Variants in NDUFS1 observed in about 807,000 individuals in gnomAD.
NDUFS1 encodes NADH:ubiquinone oxidoreductase core subunit S1.
NDUFS1 carries 61 observed loss-of-function variants against 84.4 expected under a neutral mutation model. The ratio of observed to expected loss-of-function variants is 0.72; its 90% CI spans 0.59 to 0.89. The LOEUF is 0.89. NDUFS1 is among the 40% of genes least tolerant of loss of function. NDUFS1 has a pLI of 0.00. For missense variants in NDUFS1, 891 were observed against 890.0 expected (o/e 1.00, Z -0.01); for synonymous variants, 275 against 290.0 (o/e 0.95, Z 0.53).
Position 206,126,852 on chromosome 2 carries a change from A to G in NDUFS1, c.1885-8T>C. 6.2e-7 allele frequency: 1 copy of G among 1,614,010 alleles called. No homozygotes were observed. Among genetic ancestry groups the G allele is most frequent in the Non-Finnish European group, 8.5e-7 (1 of 1,180,004 alleles). ...AAGAGTCATTCCAGCAATCTACAACATGTCAGGTCCCCAAAAACAACAAAA... is the reference window on the plus strand; with the variant it reads ...AAGAGTCATTCCAGCAATCTACAACGTGTCAGGTCCCCAAAAACAACAAAA... On this transcript the variant is annotated splice_region_variant and splice_polypyrimidine_tract_variant and intron_variant, in intron 16 of 18. Coordinates refer to ENST00000233190, the MANE Select transcript of NDUFS1 (RefSeq NM_005006.7).
intron 18 of NDUFS1, among the ~76,000 whole-genome samples, 196 bp from the exon 19 acceptor site, chr2:206,124,472 ACAAT>A (rs1223788177): frequency 6.6e-6 from 1 of 152,202 alleles, no homozygotes; most frequent in African/African-American, 2.4e-5. Context: ...ATCCCTGGAA[ACAAT>A]CAAATAACTA....
At chr2:206,146,856 T>TAATG (rs1179678612) in intron 8 of NDUFS1, 47 bp downstream of exon 8, 1 of 1,540,036 alleles carries the variant, frequency 6.5e-7, no homozygotes, top group Admixed American at 1.7e-5. Flanking sequence ...TTTTGAATAG[T>TAATG]AATGAATTAA....
At chr2:206,139,871 T>TAAA (rs35564839) in intron 12 of NDUFS1, among the ~76,000 whole-genome samples, 4 of 103,552 alleles carry the variant, frequency 3.9e-5, no homozygotes, top group Non-Finnish European at 7.6e-5. Context: ...CTTGTGTTCT[T>TAAA]AAAAAAAAAA....
At chr2:206,129,253 T>A (rs994048025) in intron 15 of NDUFS1, among the ~76,000 whole-genome samples, 1 of 152,128 alleles carries the variant, frequency 6.6e-6, no homozygotes, top group Non-Finnish European at 1.5e-5. Flanking sequence ...GGATTTTAGT[T>A]TATTTTGTTT....
chr2:206,114,877 TA>T lies in NDUFS1; in HGVS notation c.*9307del. On this transcript the variant is annotated 3_prime_UTR_variant, in exon 19 of 19. Transcript: ENST00000233190. ...TACTTTCCATACACACGTAAGCATATACATATATACACACACACACATTATT... is the reference window on the plus strand; with the variant it reads ...TACTTTCCATACACACGTAAGCATATCATATATACACACACACACATTATT... The T allele has an allele frequency of 6.6e-6, 1 of 152,332 alleles. No homozygotes were observed. Among genetic ancestry groups the T allele is most frequent in the Non-Finnish European group, 1.5e-5 (1 of 68,038 alleles). The allele number at this position is 152,332 out of a possible 1,614,324, so 9.4% of individuals were successfully genotyped here.
At position 206,130,605 on chromosome 2, in the gene NDUFS1, T is replaced by C. The variant is rs548103330; in HGVS notation, c.1554-363A>G. ...CTTGACCTCAGGTGATCCACCTGTC[T>C]TGGCCTCCCAAAGTGCTGGGATTAC... On this transcript the variant is annotated intron_variant, in intron 14 of 18. Transcript: ENST00000233190. Among the ~76,000 whole-genome samples, 85 of 152,294 alleles carry C rather than the reference T, an allele frequency of 5.6e-4. 1 individual carries two copies. The highest frequency in any genetic ancestry group is 5.4e-3 in the Admixed American group (82 of 15,288).
intron 13 of NDUFS1, among the ~76,000 whole-genome samples, chr2:206,133,708 T>A (rs558447276): frequency 8.1e-4 from 124 of 152,338 alleles, no homozygotes; most frequent in Middle Eastern, 3.4e-3. Context: ...CTGGGCACGG[T>A]GGCTCACGCC....
At chr2:206,131,810 G>A (rs1369967473) in intron 14 of NDUFS1, among the ~76,000 whole-genome samples, 8 of 152,054 alleles carry the variant, frequency 5.3e-5, no homozygotes, top group African/African-American at 7.2e-5. Context: ...ATAGTGGCAC[G>A]CGCCTGTAGT....
At chr2:206,159,069 C>G in intron 1 of NDUFS1, 1 of 1,535,434 alleles carries the variant, frequency 6.5e-7, no homozygotes, top group Non-Finnish European at 8.7e-7. Flanking sequence ...ATTTTCCCTG[C>G]AGAGGGAAGG....
At position 206,123,470 on chromosome 2, in the gene NDUFS1, G is replaced by T. The variant is rs1691164274; in HGVS notation, c.*715C>A. 6.6e-6 allele frequency: 1 copy of T among 152,096 alleles called. No homozygotes were observed. Among genetic ancestry groups the T allele is most frequent in the East Asian group, 1.9e-4 (1 of 5,200 alleles). 9.4% of individuals were successfully genotyped at this position (152,096 alleles called of 1,614,324 possible). ...CAACCTATAGAATCAACATTAATGA[G>T]ACGAAATAATATGTTGCAGTTAAGA... is the stretch of plus-strand genomic sequence containing the variant. On this transcript the variant is annotated 3_prime_UTR_variant, in exon 19 of 19. Coordinates refer to ENST00000233190, the MANE Select transcript of NDUFS1 (RefSeq NM_005006.7).
Position 206,123,728 on chromosome 2 carries a change from A to G in NDUFS1, c.*457T>C, listed in dbSNP as rs4147728. 5 of 155,084 alleles carry G rather than the reference A, an allele frequency of 3.2e-5. No individual in the cohort carries two copies. Among genetic ancestry groups the G allele is most frequent in the African/African-American group, 1.2e-4 (5 of 41,358 alleles). 9.6% of individuals were successfully genotyped at this position (155,084 alleles called of 1,614,324 possible). ...ATTAGCCATTGTTACTATGATTATT[A>G]TTAATTATAATTATCCTAGATACAT... On this transcript the variant is annotated 3_prime_UTR_variant, in exon 19 of 19. Transcript: ENST00000233190.
chr2:206,145,112 CAATT>C, intron 8 of NDUFS1, 86 bp from the exon 9 acceptor site: 1 of 1,279,306 alleles, frequency 7.8e-7, no homozygotes, highest in South Asian at 1.4e-5. Context: ...ATTTTTTTTA[CAATT>C]AATTCCCTTT....
At position 206,152,415 on chromosome 2, in the gene NDUFS1, C is replaced by T. The variant is rs1559065110; in HGVS notation, c.153+4G>A. 9.9e-6 allele frequency: 16 copies of T among 1,612,402 alleles called. No homozygotes were observed. Among genetic ancestry groups the T allele is most frequent in the Non-Finnish European group, 1.2e-5 (14 of 1,178,536 alleles). ...CACACAAAATAGTTAGAATGTATGC[C>T]TACTTGGAGGACGGTCGTTCCCGGT... On this transcript the variant is annotated splice_donor_region_variant and intron_variant, in intron 3 of 18. Transcript: ENST00000233190.
Position 206,115,914 on chromosome 2 carries a change from AAAGAC to A in NDUFS1, c.*8266_*8270del. 1.6e-6 allele frequency: 1 copy of A among 614,098 alleles called. No individual in the cohort carries two copies. Among genetic ancestry groups the A allele is most frequent in the Non-Finnish European group, 3.0e-6 (1 of 337,892 alleles). 38.0% of individuals were successfully genotyped at this position (614,098 alleles called of 1,614,324 possible). The stretch of plus-strand genomic sequence containing the variant: ...TCTAAAAATCATAGGATGTTGTGAA[AAAGAC>A]ACATATTATGTTTATCTACAATCAT... On this transcript the variant is annotated 3_prime_UTR_variant, in exon 19 of 19. Coordinates refer to ENST00000233190, the MANE Select transcript of NDUFS1 (RefSeq NM_005006.7).
chr2:206,143,022 T>C (rs1016391144), intron 10 of NDUFS1, among the ~76,000 whole-genome samples, 191 bp from the exon 11 acceptor site: 1 of 152,170 alleles, frequency 6.6e-6, no homozygotes, highest in Non-Finnish European at 1.5e-5. Context: ...GAGGCAGAAG[T>C]GGGCGGATCA....
At chr2:206,159,225 G>C (rs886292378) in intron 1 of NDUFS1, 116 bp downstream of exon 1, 3 of 1,327,386 alleles carry the variant, frequency 2.3e-6, no homozygotes, top group Middle Eastern at 2.0e-4. Context: ...GGCGGGAGGC[G>C]GCGCCCAGTC....
intron 1 of NDUFS1, among the ~76,000 whole-genome samples, chr2:206,154,665 C>T (rs1382304257): frequency 6.6e-6 from 1 of 152,160 alleles, no homozygotes; most frequent in Non-Finnish European, 1.5e-5. Context: ...GCCCTATCAC[C>T]CAGACTGGAG....
At chr2:206,144,650 G>A (rs1202415840) in intron 9 of NDUFS1, among the ~76,000 whole-genome samples, 1 of 152,082 alleles carries the variant, frequency 6.6e-6, no homozygotes, top group Non-Finnish European at 1.5e-5. Flanking sequence ...AGTTGAGAAT[G>A]TATCAATCTA....
intron 14 of NDUFS1, among the ~76,000 whole-genome samples, chr2:206,130,577 A>G (rs1028331285): frequency 6.6e-6 from 1 of 151,162 alleles, no homozygotes. Context: ...CTGGTCTTGA[A>G]CTCTTGACCT....
Sources: gnomAD v4.1 joint callset for allele counts (sites outside exome capture counted in the v4.1 genomes callset) on GRCh38, gnomAD v4.1.1 for gene constraint, MANE v1.5 for transcripts, NCBI Gene and HGNC (gene_info 2026-07-23, HGNC 2026-07-21) for gene names.